The following EPHA4 variants were observed in gnomAD, a reference collection of about 807,000 sequenced individuals.
EPHA4 encodes the protein ephrin type-A receptor 4.
In EPHA4, 19 loss-of-function variants were observed where a neutral mutation model predicts 108.3. The observed-to-expected ratio is 0.18, with a 90% CI of 0.12 to 0.26. The LOEUF (loss-of-function observed/expected upper bound fraction) is 0.26. Ranked by LOEUF, EPHA4 falls within the 10% of genes least tolerant of loss-of-function variation. EPHA4 has a pLI of 1.00. For synonymous variants in EPHA4, 449 were observed against 455.5 expected (o/e 0.99, Z 0.18); for missense variants, 917 against 1,254.0 (o/e 0.73, Z 4.06).
At chr2:221,560,613 A>G (rs1694433986) in intron 3 of EPHA4, among the ~76,000 whole-genome samples, 1 of 152,192 alleles carries the variant, frequency 6.6e-6, no homozygotes, top group Non-Finnish European at 1.5e-5. Context: ...GACCTTGGGA[A>G]GAGCACAATG....
intron 7 of EPHA4, 150 bp downstream of exon 7, chr2:221,456,463 T>TAAGTTAGAG: frequency 1.5e-6 from 1 of 666,240 alleles, no homozygotes; most frequent in Non-Finnish European, 2.4e-6. Context: ...GTTACAGACA[T>TAAGTTAGAG]TGGCTAACTT....
intron 11 of EPHA4, among the ~76,000 whole-genome samples, chr2:221,439,218 C>T (rs1690336917): frequency 6.6e-6 from 1 of 151,638 alleles, no homozygotes; most frequent in Non-Finnish European, 1.5e-5. Context: ...ACTTTTAAGT[C>T]TTTTCTCTAC....
chr2:221,473,397 A>G (rs1163753028), intron 5 of EPHA4, among the ~76,000 whole-genome samples: 1 of 152,072 alleles, frequency 6.6e-6, no homozygotes, highest in Middle Eastern at 3.2e-3. Flanking sequence ...GTATACCCAC[A>G]TCACAAAAAT....
At chr2:221,527,824 T>C (rs1693383858) in intron 3 of EPHA4, among the ~76,000 whole-genome samples, 1 of 152,174 alleles carries the variant, frequency 6.6e-6, no homozygotes, top group Non-Finnish European at 1.5e-5. Flanking sequence ...GGAACTTATC[T>C]GTCACATGGC....
intron 14 of EPHA4, 149 bp downstream of exon 14, chr2:221,433,993 A>C: frequency 1.4e-6 from 1 of 690,776 alleles, no homozygotes; most frequent in African/African-American, 1.8e-5. Flanking sequence ...CATTGGTTGT[A>C]ATGTTGAACT....
At chr2:221,550,418 G>GGAGAGAGA (rs71406572) in intron 3 of EPHA4, among the ~76,000 whole-genome samples, 19 of 135,668 alleles carry the variant, frequency 1.4e-4, no homozygotes, top group South Asian at 1.0e-3. Flanking sequence ...TGAGGAAAGG[G>GGAGAGAGA]GAGAGAGAGA....
intron 5 of EPHA4, among the ~76,000 whole-genome samples, chr2:221,465,453 C>T (rs1269140499): frequency 1.3e-5 from 2 of 152,286 alleles, no homozygotes; most frequent in East Asian, 3.9e-4. Context: ...TCTTAGCCTT[C>T]ACGTTAATTG....
chr2:221,450,014 A>G (rs1233969436), intron 8 of EPHA4, among the ~76,000 whole-genome samples: 2 of 152,212 alleles, frequency 1.3e-5, no homozygotes, highest in African/African-American at 4.8e-5. Context: ...GTTCATGAGT[A>G]GCATGTTGAA....
intron 3 of EPHA4, among the ~76,000 whole-genome samples, chr2:221,548,652 C>T (rs1227404036): frequency 6.6e-6 from 1 of 151,858 alleles, no homozygotes; most frequent in Non-Finnish European, 1.5e-5. Flanking sequence ...AATATTATGA[C>T]GTACTCTTAG....
intron 3 of EPHA4, among the ~76,000 whole-genome samples, chr2:221,537,740 T>C (rs1559284436): frequency 6.6e-6 from 1 of 152,188 alleles, no homozygotes; most frequent in Non-Finnish European, 1.5e-5. Flanking sequence ...CAATGAGCTA[T>C]GATGGTGCCA....
chr2:221,519,188 TGCAGTGCAACAGCTAGGGTG>T (rs1693084580), intron 3 of EPHA4, among the ~76,000 whole-genome samples: 3 of 152,220 alleles, frequency 2.0e-5, no homozygotes, highest in Non-Finnish European at 4.4e-5. Flanking sequence ...CAAAAAACAG[TGCAGTGCAACAGCTAGGGTG>T]GCTATAAATG....
At chr2:221,506,659 T>A (rs1012917310) in intron 3 of EPHA4, among the ~76,000 whole-genome samples, 27 of 152,182 alleles carry the variant, frequency 1.8e-4, no homozygotes, top group Admixed American at 1.6e-3. Flanking sequence ...ATTGTCCAAA[T>A]CACCTGCATT....
At chr2:221,440,171 A>G (rs1377691441) in intron 11 of EPHA4, among the ~76,000 whole-genome samples, 1 of 152,164 alleles carries the variant, frequency 6.6e-6, no homozygotes, top group Admixed American at 6.5e-5. Flanking sequence ...GGGGTGGGGG[A>G]AGGGAATAGC....
chr2:221,426,408 A>T (rs1689911486), intron 16 of EPHA4, 56 bp downstream of exon 16: 5 of 1,546,090 alleles, frequency 3.2e-6, no homozygotes, highest in Non-Finnish European at 4.3e-6. Flanking sequence ...AAGCAAAAAA[A>T]GAAAATACTA....
intron 1 of EPHA4, among the ~76,000 whole-genome samples, chr2:221,570,712 A>T (rs574563300): frequency 2.0e-5 from 3 of 152,176 alleles, no homozygotes; most frequent in Non-Finnish European, 4.4e-5. Context: ...TTACACAGGG[A>T]TGGATGGACG....
At chr2:221,562,197 TAC>T (rs1694488626) in intron 3 of EPHA4, among the ~76,000 whole-genome samples, 2 of 147,312 alleles carry the variant, frequency 1.4e-5, no homozygotes, top group Admixed American at 6.9e-5. Flanking sequence ...CTTTTAAATT[TAC>T]ACATTTCCTT....
At chr2:221,464,329 A>T (rs1159618274) in intron 5 of EPHA4, among the ~76,000 whole-genome samples, 4 of 152,202 alleles carry the variant, frequency 2.6e-5, no homozygotes, top group African/African-American at 9.6e-5. Flanking sequence ...TCTCAATTCA[A>T]TACCCCAGCT....
intron 17 of EPHA4, among the ~76,000 whole-genome samples, chr2:221,421,717 G>T: frequency 6.6e-6 from 1 of 152,124 alleles, no homozygotes; most frequent in East Asian, 1.9e-4. Context: ...TTACTTATTG[G>T]ACTATGCCTC....
intron 3 of EPHA4, among the ~76,000 whole-genome samples, chr2:221,505,060 T>C (rs1481273239): frequency 1.3e-5 from 2 of 152,142 alleles, no homozygotes; most frequent in African/African-American, 2.4e-5. Context: ...CTTTGCTCTC[T>C]GTGACCCACT....
Sources: gnomAD v4.1 joint callset for allele counts (sites outside exome capture counted in the v4.1 genomes callset) on GRCh38, gnomAD v4.1.1 for gene constraint, MANE v1.5 for transcripts, NCBI Gene and HGNC (gene_info 2026-07-23, HGNC 2026-07-21) for gene names.